The following DBF4B variants were observed in gnomAD, a reference collection of about 807,000 sequenced individuals.
The protein encoded by DBF4B is DBF4B-CDC7 kinase regulatory subunit.
In DBF4B, 49 loss-of-function variants were observed where a neutral mutation model predicts 53.4. The ratio of observed to expected loss-of-function variants is 0.92; its 90% CI spans 0.73 to 1.16. The LOEUF (loss-of-function observed/expected upper bound fraction) is 1.16. DBF4B is among the 50% of genes most tolerant of loss of function. DBF4B has a pLI of 0.00. For missense variants in DBF4B, 692 were observed against 775.0 expected, an observed-to-expected ratio of 0.89 and a Z score of 1.27; for synonymous variants, 257 against 288.7, an observed-to-expected ratio of 0.89 and a Z score of 1.11.
intron 13 of DBF4B, chr17:44,748,808 C>T (rs1037134308): frequency 7.7e-7 from 1 of 1,299,304 alleles, no homozygotes; most frequent in African/African-American, 1.5e-5. Context: ...GGCACCAGGA[C>T]AACTAGTGGC....
chr17:44,741,354 T>C lies in DBF4B; in HGVS notation c.732T>C (p.His244=), dbSNP rs1403152284. The C allele has an allele frequency of 6.2e-7, 1 of 1,613,308 alleles. No individual in the cohort carries two copies. Among genetic ancestry groups the C allele is most frequent in the African/African-American group, 1.3e-5 (1 of 75,042 alleles). The part of the protein sequence containing the change: ...EDESRKFRPF[H]HQFKSFPEIS... Reference sequence around the variant, plus strand: ...GTTGCAGGAAGTTTCGTCCTTTCCATCATCAGTTTAAATCCTTTCCTGAAA... The same window carrying C: ...GTTGCAGGAAGTTTCGTCCTTTCCACCATCAGTTTAAATCCTTTCCTGAAA... The change falls in exon 10 of 14, where the codon CAT becomes CAC. Residue 244 remains histidine, a synonymous_variant. Coordinates refer to ENST00000315005, the MANE Select transcript of DBF4B (RefSeq NM_145663.3).
chr17:44,733,393 A>G (rs949899357), intron 6 of DBF4B, among the ~76,000 whole-genome samples: 10 of 152,200 alleles, frequency 6.6e-5, no homozygotes, highest in African/African-American at 2.2e-4. Flanking sequence ...CACACTGTAA[A>G]CAACCTGTTT....
In DBF4B at chr17:44,751,903, T is replaced by G; in HGVS notation, c.*650T>G. 6.5e-7 allele frequency: 1 copy of G among 1,536,200 alleles called. No individual in the cohort carries two copies. The highest frequency in any genetic ancestry group is 8.7e-7 in the Non-Finnish European group (1 of 1,146,910). Reference sequence around the variant, plus strand: ...CCTGGTTCTCCTGTCCCCCTGCCCTTCCTCACCATTGCCCATTCCCTCGTT... The same window carrying G: ...CCTGGTTCTCCTGTCCCCCTGCCCTGCCTCACCATTGCCCATTCCCTCGTT... On this transcript the variant is annotated 3_prime_UTR_variant, in exon 14 of 14. Coordinates refer to ENST00000315005, the MANE Select transcript of DBF4B (RefSeq NM_145663.3).
In DBF4B at chr17:44,743,963, C is replaced by CCAT. The variant is rs575303603; in HGVS notation, c.830+2512_830+2514dup. On this transcript the variant is annotated intron_variant, in intron 10 of 13. Coordinates refer to ENST00000315005, the MANE Select transcript of DBF4B (RefSeq NM_145663.3). ...GAAGGATACACATGTACCTATATAT[C>CCAT]CATGAACTATCTCTGGAGATAGACC... Among the ~76,000 whole-genome samples, 22 of 151,526 alleles carry CCAT rather than the reference C, an allele frequency of 1.5e-4. No homozygotes were observed. In the South Asian group the frequency reaches 4.4e-3, roughly 30 times the overall value.
At chr17:44,743,017 G>C (rs6503401) in intron 10 of DBF4B, among the ~76,000 whole-genome samples, 56,716 of 152,068 alleles carry the variant, frequency 0.37, 12,375 homozygotes, top group East Asian at 0.72. Flanking sequence ...AGTACAAATA[G>C]GAGGGAAAAA....
chr17:44,749,773 C>T lies in DBF4B; in HGVS notation c.1190-822C>T. On this transcript the variant is annotated intron_variant, in intron 13 of 13. Coordinates refer to ENST00000315005, the MANE Select transcript of DBF4B (RefSeq NM_145663.3). This position sits in a 1 kb window ranked among gnomAD's most constrained non-coding sequence, Gnocchi z 4.4. ...CCTGGCCCTCCACAGGCCCTTGCCT[C>T]TCTGCAGAGCCGCGGGTTAGCTGTT... 1.3e-5 allele frequency: 14 copies of T among 1,084,234 alleles called. No homozygotes were observed. Among genetic ancestry groups the T allele is most frequent in the Non-Finnish European group, 1.6e-5 (14 of 886,806 alleles). 67.2% of individuals were successfully genotyped at this position (1,084,234 alleles called of 1,614,324 possible).
intron 2 of DBF4B, among the ~76,000 whole-genome samples, chr17:44,722,195 C>G (rs1973910892): frequency 6.6e-6 from 1 of 151,704 alleles, no homozygotes; most frequent in East Asian, 1.9e-4. Context: ...GGAATATGGG[C>G]TCATTCACTC....
chr17:44,744,446 T>C (rs1441213722), intron 10 of DBF4B, among the ~76,000 whole-genome samples: 3 of 151,962 alleles, frequency 2.0e-5, no homozygotes, highest in African/African-American at 7.2e-5. Context: ...CTTTTATGGC[T>C]GCAGGGTATC....
In DBF4B at chr17:44,708,839, G is replaced by T. The variant is rs1274347150; in HGVS notation, c.19G>T (p.Gly7Ter). ...GCATTTGATGAGCGAACCGGGAAAG[G>T]GTACGGATGCCGGGAAGGGGAGAAA... is the stretch of plus-strand genomic sequence containing the variant. MSEPGKGDDCLELESSM... is the reference protein window; with the variant it reads MSEPGK Residue 7 changes from glycine to a stop codon, truncating the protein, a stop_gained and splice_region_variant, in exon 1 of 14, where the codon GGA (glycine) becomes TGA (stop). Transcript: ENST00000315005. LOFTEE classifies it high-confidence loss of function. 7.1e-6 allele frequency: 11 copies of T among 1,551,568 alleles called. No individual in the cohort carries two copies. The highest frequency in any genetic ancestry group is 9.6e-6 in the Non-Finnish European group (11 of 1,146,982).
intron 3 of DBF4B, among the ~76,000 whole-genome samples, chr17:44,727,433 A>C (rs1974458688): frequency 6.6e-6 from 1 of 151,828 alleles, no homozygotes; most frequent in African/African-American, 2.4e-5. Context: ...AGAAAAAAAA[A>C]AGAAAACAGC....
Position 44,750,521 on chromosome 17 carries a change from A to C in DBF4B, c.1190-74A>C, listed in dbSNP as rs1447528342. On this transcript the variant is annotated intron_variant, in intron 13 of 13. Coordinates refer to ENST00000315005, the MANE Select transcript of DBF4B (RefSeq NM_145663.3). ...ATTAATTTTGGTTCAGGAAATGTAAATAAATTTGTTAATTACAAATAGCAA... is the reference window on the plus strand; with the variant it reads ...ATTAATTTTGGTTCAGGAAATGTAACTAAATTTGTTAATTACAAATAGCAA... 6.6e-6 allele frequency: 10 copies of C among 1,513,562 alleles called. No individual in the cohort carries two copies. In the Admixed American group the frequency reaches 1.3e-4, roughly 20 times the overall value. 93.8% of individuals were successfully genotyped at this position (1,513,562 alleles called of 1,614,324 possible).
intron 2 of DBF4B, 150 bp from the exon 3 acceptor site, chr17:44,722,730 G>A (rs1415877005): frequency 5.0e-6 from 4 of 795,762 alleles, no homozygotes; most frequent in Non-Finnish European, 7.9e-6. Flanking sequence ...AGCTTCTGAG[G>A]GTAAGGGCAT....
In DBF4B at chr17:44,741,392, G is replaced by A. The variant is rs1976007918; in HGVS notation, c.770G>A (p.Gly257Glu). The change falls in exon 10 of 14, where the codon GGA becomes GAA. Residue 257 changes from glycine (G) to glutamate (E), a missense_variant. By Grantham distance (98) the Gly-to-Glu change is moderately conservative (BLOSUM62 -2). Transcript: ENST00000315005. ...FKSFPEISFL[G>E]PKDASPFEAP... Reference sequence around the variant, plus strand: ...TCCTTTCCTGAAATTTCTTTTCTTGGACCCAAAGATGCAAGTCCCTTTGAG... The same window carrying A: ...TCCTTTCCTGAAATTTCTTTTCTTGAACCCAAAGATGCAAGTCCCTTTGAG... 6.2e-7 allele frequency: 1 copy of A among 1,613,482 alleles called. No individual in the cohort carries two copies. Among genetic ancestry groups the A allele is most frequent in the South Asian group, 1.1e-5 (1 of 91,040 alleles).
At chr17:44,727,749 G>A (rs1974482380) in intron 3 of DBF4B, among the ~76,000 whole-genome samples, 1 of 152,072 alleles carries the variant, frequency 6.6e-6, no homozygotes, top group Admixed American at 6.5e-5. Context: ...CCAGGCTGGA[G>A]TGCAATGGTG....
In DBF4B at chr17:44,725,684, C is replaced by CTTTTTTTTTTTTTTT. The variant is rs68091397; in HGVS notation, c.225+2668_225+2682dup. ...ATCCTGCCTTTGTTTTTTTGTGCTT[C>CTTTTTTTTTTTTTTT]TTTTTTTTTTTTTTTTTTTTAAGAG... On this transcript the variant is annotated intron_variant, in intron 3 of 13. Coordinates refer to ENST00000315005, the MANE Select transcript of DBF4B (RefSeq NM_145663.3). Among the ~76,000 whole-genome samples the CTTTTTTTTTTTTTTT allele has an allele frequency of 1.3e-3, 112 of 87,616 alleles. 13 individuals are homozygous for CTTTTTTTTTTTTTTT. The highest frequency in any genetic ancestry group is 4.2e-3 in the South Asian group (10 of 2,378). The allele number at this position is 87,616 out of a possible 152,430, so 57.5% of individuals were successfully genotyped here.
chr17:44,750,387 G>C (rs566284592), intron 13 of DBF4B: 8 of 1,373,936 alleles, frequency 5.8e-6, no homozygotes, highest in South Asian at 3.9e-5. Context: ...AAGGAAGAAG[G>C]GGGGGCCCAG....
At chr17:44,729,213 C>CTT (rs35707448) in intron 3 of DBF4B, among the ~76,000 whole-genome samples, 2 of 140,904 alleles carry the variant, frequency 1.4e-5, no homozygotes, top group African/African-American at 5.2e-5. Flanking sequence ...CTTTTTTTTT[C>CTT]TTTTTTTTTT....
At chr17:44,747,753 C>T (rs964545010) in intron 12 of DBF4B, among the ~76,000 whole-genome samples, 1 of 152,222 alleles carries the variant, frequency 6.6e-6, no homozygotes, top group Non-Finnish European at 1.5e-5. Flanking sequence ...ACTGTGGCTC[C>T]CTTCCAACTC....
chr17:44,717,346 T>C (rs1973415051), intron 2 of DBF4B, among the ~76,000 whole-genome samples: 1 of 152,168 alleles, frequency 6.6e-6, no homozygotes, highest in Non-Finnish European at 1.5e-5. Context: ...ATTTCAAAAA[T>C]AGTCAAAGGT....
Sources: gnomAD v4.1 joint callset for allele counts (sites outside exome capture counted in the v4.1 genomes callset) on GRCh38, gnomAD v4.1.1 for gene constraint, Gnocchi (gnomAD v3.1) non-coding constraint, MANE v1.5 for transcripts, NCBI Gene and HGNC (gene_info 2026-07-23, HGNC 2026-07-21) for gene names.